The following NUB1 variants were observed in gnomAD, a reference collection of about 807,000 sequenced individuals.
NUB1 encodes the protein NEDD8 ultimate buster 1.
NUB1 carries 41 observed loss-of-function variants against 77.1 expected under a neutral mutation model. That is an observed-to-expected ratio of 0.53 (90% CI 0.41 to 0.69). NUB1 has a LOEUF of 0.69. Ranked by LOEUF, NUB1 falls within the 30% of genes least tolerant of loss-of-function variation. The pLI is 0.00. For synonymous variants in NUB1, 257 were observed against 281.0 expected (o/e 0.91, Z 0.85); for missense variants, 643 against 743.8 (o/e 0.86, Z 1.58).
chr7:151,342,431 T>C (rs1177730923), intron 1 of NUB1, among the ~76,000 whole-genome samples: 1 of 152,250 alleles, frequency 6.6e-6, no homozygotes, highest in Admixed American at 6.5e-5. Flanking sequence ...AATGTAGCAA[T>C]GATCGATTCA....
chr7:151,363,776 AT>A (rs1797500244), intron 8 of NUB1, among the ~76,000 whole-genome samples: 2 of 151,946 alleles, frequency 1.3e-5, no homozygotes, highest in South Asian at 4.2e-4. Context: ...AGTTTGGCTT[AT>A]TTTTTTATTT....
At chr7:151,357,128 C>T (rs182320801) in intron 7 of NUB1, among the ~76,000 whole-genome samples, 44 of 151,962 alleles carry the variant, frequency 2.9e-4, no homozygotes, top group East Asian at 2.1e-3. Context: ...GCGATCCTCC[C>T]GCCTCCGCCT....
At chr7:151,344,944 G>A (rs559729185) in intron 1 of NUB1, among the ~76,000 whole-genome samples, 5 of 152,244 alleles carry the variant, frequency 3.3e-5, no homozygotes, top group South Asian at 2.1e-4. Flanking sequence ...AGCTTGCAGT[G>A]AGCCGAGATC....
chr7:151,377,325 A>T lies in NUB1; in HGVS notation c.*100A>T. On this transcript the variant is annotated 3_prime_UTR_variant, in exon 15 of 15. Coordinates refer to ENST00000568733, the MANE Select transcript of NUB1 (RefSeq NM_001243351.2). ...GTTCTTACTTTTTATCTGAATTACA[A>T]GTCCTCTTTGGGTGTAGGAGGGGGT... is the stretch of plus-strand genomic sequence containing the variant. The T allele has an allele frequency of 1.9e-4, 128 of 684,162 alleles. No homozygotes were observed. Among genetic ancestry groups the T allele is most frequent in the East Asian group, 4.6e-4 (12 of 25,960 alleles). 42.4% of individuals were successfully genotyped at this position (684,162 alleles called of 1,614,324 possible).
intron 7 of NUB1, among the ~76,000 whole-genome samples, chr7:151,359,771 C>T (rs1011887234): frequency 6.6e-5 from 10 of 150,686 alleles, no homozygotes; most frequent in South Asian, 2.1e-4. Flanking sequence ...AATGAGACTC[C>T]GTCTCAAAAA....
At chr7:151,374,427 C>A in intron 12 of NUB1, 184 bp downstream of exon 12, 2 of 773,828 alleles carry the variant, frequency 2.6e-6, no homozygotes, top group Non-Finnish European at 4.3e-6. Flanking sequence ...CACGTGAGGC[C>A]CCATGCTCAG....
Position 151,367,953 on chromosome 7 carries a change from T to A in NUB1, c.1080T>A (p.Tyr360Ter). ...ACAGTGGAAATGATGTAGAGGCTTATGAGTATCTTAACAAGGTAAGAAAAG... is the reference window on the plus strand; with the variant it reads ...ACAGTGGAAATGATGTAGAGGCTTAAGAGTATCTTAACAAGGTAAGAAAAG... ...NYHSGNDVEA[Y>*]EYLNKARQLF... The change falls in exon 10 of 15, where the codon TAT becomes TAA. Residue 360 changes from tyrosine (Y) to a stop codon, truncating the protein, a stop_gained. Transcript: ENST00000568733. LOFTEE classifies it high-confidence loss of function. The A allele has an allele frequency of 6.3e-7, 1 of 1,578,618 alleles. No individual in the cohort carries two copies. The highest frequency in any genetic ancestry group is 2.3e-5 in the East Asian group (1 of 44,212).
In NUB1 at chr7:151,349,183, T is replaced by G; in HGVS notation, c.228T>G (p.Asn76Lys). ...KAIERGTGND[N>K]YRTTGIATIE... ...TTGAGCGTGGAACAGGAAATGACAA[T>G]TATAGAACAACGGGAATTGCTACAA... Residue 76 changes from asparagine (N) to lysine (K), a missense_variant, in exon 3 of 15, where the codon AAT (asparagine) becomes AAG (lysine). Physicochemically the swap from Asn to Lys is moderately conservative, Grantham distance 94 (BLOSUM62 0). Coordinates refer to ENST00000568733, the MANE Select transcript of NUB1 (RefSeq NM_001243351.2). The G allele has an allele frequency of 6.2e-7, 1 of 1,613,298 alleles. No individual in the cohort carries two copies. Among genetic ancestry groups the G allele is most frequent in the Non-Finnish European group, 8.5e-7 (1 of 1,179,672 alleles).
At position 151,351,412 on chromosome 7, in the gene NUB1, T is replaced by TTA; in HGVS notation, c.286-12_286-11insTA. 1 of 1,601,776 alleles carries TTA rather than the reference T, an allele frequency of 6.2e-7. No individual in the cohort carries two copies. The highest frequency in any genetic ancestry group is 8.5e-7 in the Non-Finnish European group (1 of 1,170,504). ...AATTCAAGTACGTTTTACTTTGTCTTATTTTTAACAGGATAGGAAAAACTT... is the reference window on the plus strand; with the variant it reads ...AATTCAAGTACGTTTTACTTTGTCTTTAATTTTTAACAGGATAGGAAAAACTT... On this transcript the variant is annotated splice_polypyrimidine_tract_variant and intron_variant, in intron 3 of 14. Coordinates refer to ENST00000568733, the MANE Select transcript of NUB1 (RefSeq NM_001243351.2).
intron 12 of NUB1, among the ~76,000 whole-genome samples, chr7:151,375,429 A>G (rs1798170559): frequency 6.6e-6 from 1 of 152,144 alleles, no homozygotes; most frequent in East Asian, 1.9e-4. Context: ...AAGATTAAGT[A>G]TTGTGTGATG....
In NUB1 at chr7:151,356,861, G is replaced by A. The variant is rs138300503; in HGVS notation, c.693+639G>A. ...GCCTCCTGAGTAGCTGGGATTACAG[G>A]CATGTGCCACCACGGATGGCTAATT... On this transcript the variant is annotated intron_variant, in intron 7 of 14. Transcript: ENST00000568733. Among the ~76,000 whole-genome samples, 459 of 152,214 alleles carry A rather than the reference G, an allele frequency of 3.0e-3. 1 individual carries two copies. Among genetic ancestry groups the A allele is most frequent in the African/African-American group, 0.01 (435 of 41,520 alleles).
intron 11 of NUB1, 144 bp downstream of exon 11, chr7:151,369,031 A>T: frequency 7.4e-6 from 7 of 947,262 alleles, no homozygotes; most frequent in Non-Finnish European, 1.0e-5. Flanking sequence ...TTCTTGAGAC[A>T]GAGTCTCACT....
rs116502766 is a variant in NUB1 at position 151,351,873 on chromosome 7, G to A, written c.344+391G>A. On this transcript the variant is annotated intron_variant, in intron 4 of 14. Transcript: ENST00000568733. ...TATTAATAGCTTGCTATGACCTTCAGCACGGTGTTTTATCTGATTTCAGGC... is the reference window on the plus strand; with the variant it reads ...TATTAATAGCTTGCTATGACCTTCAACACGGTGTTTTATCTGATTTCAGGC... Among the ~76,000 whole-genome samples the A allele has an allele frequency of 1.9e-3, 285 of 151,204 alleles. 1 individual carries two copies. The highest frequency in any genetic ancestry group is 6.8e-3 in the African/African-American group (279 of 41,092).
At chr7:151,361,807 T>G (rs1797394068) in intron 8 of NUB1, among the ~76,000 whole-genome samples, 1 of 152,162 alleles carries the variant, frequency 6.6e-6, no homozygotes, top group South Asian at 2.1e-4. Context: ...TGGTTTGTGC[T>G]TCTGGGGTCT....
At chr7:151,369,880 T>A (rs1797878545) in intron 11 of NUB1, among the ~76,000 whole-genome samples, 1 of 152,190 alleles carries the variant, frequency 6.6e-6, no homozygotes, top group South Asian at 2.1e-4. Flanking sequence ...GGTATTTGGA[T>A]GGGAGCAGGA....
intron 1 of NUB1, among the ~76,000 whole-genome samples, chr7:151,345,067 A>C (rs1796439847): frequency 6.6e-6 from 1 of 152,210 alleles, no homozygotes; most frequent in South Asian, 2.1e-4. Context: ...TTTCTCTTAG[A>C]TAAGAGAATA....
At chr7:151,371,746 G>A (rs765427234) in intron 11 of NUB1, among the ~76,000 whole-genome samples, 1 of 152,204 alleles carries the variant, frequency 6.6e-6, no homozygotes, top group Non-Finnish European at 1.5e-5. Flanking sequence ...AAAACAATTC[G>A]TTCATGTTTT....
At chr7:151,341,975 C>A in intron 1 of NUB1, 129 bp downstream of exon 1, 1 of 1,313,356 alleles carries the variant, frequency 7.6e-7, no homozygotes, top group African/African-American at 1.5e-5. Flanking sequence ...GGTGAGCAGC[C>A]ATGCGTGGAG....
At chr7:151,369,692 A>G (rs946674858) in intron 11 of NUB1, among the ~76,000 whole-genome samples, 2 of 152,256 alleles carry the variant, frequency 1.3e-5, no homozygotes, top group African/African-American at 2.4e-5. Context: ...GTGGAATATT[A>G]GCAGGAGAGC....
Sources: allele counts gnomAD v4.1 joint callset (sites outside exome capture counted in the v4.1 genomes callset), GRCh38; gene constraint gnomAD v4.1.1; transcripts MANE v1.5; gene names NCBI Gene and HGNC (gene_info 2026-07-23, HGNC 2026-07-21).